The following CAB39L variants were observed in gnomAD, a reference collection of about 807,000 sequenced individuals.
CAB39L encodes the protein calcium-binding protein 39-like.
CAB39L carries 23 observed loss-of-function variants against 39.1 expected under a neutral mutation model. The ratio of observed to expected loss-of-function variants is 0.59; its 90% CI spans 0.42 to 0.83. The LOEUF is 0.83. Among genes scored for constraint, CAB39L ranks in the 40% least tolerant of loss-of-function variants. The pLI is 0.00. For synonymous variants in CAB39L, 126 were observed against 137.2 expected, an observed-to-expected ratio of 0.92 and a Z score of 0.57; for missense variants, 366 against 391.9, an observed-to-expected ratio of 0.93 and a Z score of 0.56.
rs116546671 is a variant in CAB39L at position 49,394,426 on chromosome 13, T to C, written c.-31-11485A>G. ...TGGTATTTTGCAACAGGCTCTCATT[T>C]CTTACTGGTGCAGATATAAATTAGA... On this transcript the variant is annotated intron_variant, in intron 3 of 10. Coordinates refer to ENST00000409308, the MANE Select transcript of CAB39L (RefSeq NM_001079670.3). Among the ~76,000 whole-genome samples, 398 of 152,220 alleles carry C rather than the reference T, an allele frequency of 2.6e-3. 2 individuals are homozygous for C. The highest frequency in any genetic ancestry group is 9.3e-3 in the African/African-American group (386 of 41,584).
intron 10 of CAB39L, among the ~76,000 whole-genome samples, chr13:49,317,837 G>A (rs186421351): frequency 2.4e-4 from 36 of 151,960 alleles, no homozygotes; most frequent in Non-Finnish European, 4.1e-4. Flanking sequence ...CACACAGAAC[G>A]GGAGAAAATA....
chr13:49,354,624 T>C (rs960745816), intron 6 of CAB39L, among the ~76,000 whole-genome samples: 1 of 152,200 alleles, frequency 6.6e-6, no homozygotes, highest in Non-Finnish European at 1.5e-5. Context: ...CCAGTAAAGG[T>C]TAATCTGATG....
At chr13:49,339,621 T>C in intron 9 of CAB39L, 56 bp downstream of exon 9, 3 of 1,459,508 alleles carry the variant, frequency 2.1e-6, no homozygotes, top group Non-Finnish European at 2.7e-6. Context: ...AGACCCGTCA[T>C]TTGCTAATGA....
chr13:49,423,579 TA>T (rs1393735412), intron 3 of CAB39L, among the ~76,000 whole-genome samples: 1 of 152,046 alleles, frequency 6.6e-6, no homozygotes, highest in Non-Finnish European at 1.5e-5. Context: ...AATCATTTTT[TA>T]AAAAAAGAGT....
chr13:49,332,128 G>A lies in CAB39L; in HGVS notation c.691-38C>T, dbSNP rs536614293. The A allele has an allele frequency of 9.8e-5, 156 of 1,599,948 alleles. 2 individuals are homozygous for A. In the South Asian group the frequency reaches 1.7e-3, roughly 17 times the overall value. On this transcript the variant is annotated intron_variant, in intron 9 of 10. Coordinates refer to ENST00000409308, the MANE Select transcript of CAB39L (RefSeq NM_001079670.3). ...ACAAAACCAAAGCTGTAATCTCAGAGCCACCTGATTCAAAATATAGCTCAC... is the reference window on the plus strand; with the variant it reads ...ACAAAACCAAAGCTGTAATCTCAGAACCACCTGATTCAAAATATAGCTCAC...
At chr13:49,347,718 T>C (rs190447876) in intron 7 of CAB39L, among the ~76,000 whole-genome samples, 8 of 152,262 alleles carry the variant, frequency 5.3e-5, no homozygotes, top group Admixed American at 2.0e-4. Context: ...GGATCATCTC[T>C]AGCCGCTGTA....
At chr13:49,322,959 C>G (rs1954394206) in intron 10 of CAB39L, among the ~76,000 whole-genome samples, 1 of 152,198 alleles carries the variant, frequency 6.6e-6, no homozygotes, top group Non-Finnish European at 1.5e-5. Context: ...GTGCTCTGCC[C>G]TCAAGTACCA....
At chr13:49,324,435 T>C (rs933825059) in intron 10 of CAB39L, among the ~76,000 whole-genome samples, 7 of 152,218 alleles carry the variant, frequency 4.6e-5, no homozygotes, top group African/African-American at 1.7e-4. Context: ...AAAACCCTTC[T>C]AGTTGTTAGG....
chr13:49,360,674 A>C (rs1352394125), intron 5 of CAB39L, among the ~76,000 whole-genome samples: 1 of 152,056 alleles, frequency 6.6e-6, no homozygotes, highest in Admixed American at 6.5e-5. Flanking sequence ...TATAATCCCT[A>C]TGTGTGGAGG....
At chr13:49,330,780 A>T (rs571134485) in intron 10 of CAB39L, among the ~76,000 whole-genome samples, 1 of 151,744 alleles carries the variant, frequency 6.6e-6, no homozygotes, top group Non-Finnish European at 1.5e-5. Flanking sequence ...GGTATCTATC[A>T]GAAGATAAGA....
rs2138312680 is a variant in CAB39L, at chr13:49,310,797, AG to A, written c.*16del. ...GACAAATGAGACGACTGACTGTGACAGGGGCCGGGGAGCTCTTCAAGGGGCC... is the reference window on the plus strand; with the variant it reads ...GACAAATGAGACGACTGACTGTGACAGGGCCGGGGAGCTCTTCAAGGGGCC... On this transcript the variant is annotated 3_prime_UTR_variant, in exon 11 of 11. Transcript: ENST00000409308. 6.2e-7 allele frequency: 1 copy of A among 1,610,486 alleles called. No individual in the cohort carries two copies. Among genetic ancestry groups the A allele is most frequent in the South Asian group, 1.1e-5 (1 of 90,852 alleles).
chr13:49,426,159 G>C (rs1043154395), intron 3 of CAB39L, among the ~76,000 whole-genome samples: 10 of 152,146 alleles, frequency 6.6e-5, no homozygotes, highest in African/African-American at 2.4e-4. Flanking sequence ...AATGGCTGCA[G>C]GATAAGGACC....
At chr13:49,314,146 G>A (rs1347069389) in intron 10 of CAB39L, among the ~76,000 whole-genome samples, 1 of 152,146 alleles carries the variant, frequency 6.6e-6, no homozygotes, top group Non-Finnish European at 1.5e-5. Context: ...CAGGCTCTGA[G>A]GTGGGCGGGA....
At chr13:49,361,353 C>T (rs531702308) in intron 5 of CAB39L, among the ~76,000 whole-genome samples, 1 of 151,640 alleles carries the variant, frequency 6.6e-6, no homozygotes, top group East Asian at 1.9e-4. Context: ...TGGTGTGCAC[C>T]TGTAGTCCCA....
chr13:49,332,406 G>C (rs373695081), intron 9 of CAB39L, among the ~76,000 whole-genome samples: 9 of 152,266 alleles, frequency 5.9e-5, no homozygotes, highest in African/African-American at 2.2e-4. Context: ...TCGCACTAAT[G>C]TATTGCTCCA....
chr13:49,436,625 T>G (rs1228811429), intron 1 of CAB39L, among the ~76,000 whole-genome samples: 2 of 140,828 alleles, frequency 1.4e-5, no homozygotes, highest in Non-Finnish European at 1.5e-5. Flanking sequence ...CTCAAACTCC[T>G]GGGCTCAAGC....
At chr13:49,402,982 G>A (rs1956804859) in intron 3 of CAB39L, among the ~76,000 whole-genome samples, 1 of 152,106 alleles carries the variant, frequency 6.6e-6, no homozygotes, top group Non-Finnish European at 1.5e-5. Flanking sequence ...TCCGAGAGTT[G>A]TAGTATAATT....
intron 7 of CAB39L, among the ~76,000 whole-genome samples, chr13:49,347,446 T>C (rs1235073949): frequency 1.3e-5 from 2 of 152,198 alleles, no homozygotes; most frequent in Non-Finnish European, 2.9e-5. Context: ...TTGGCGTTTG[T>C]TCTATGTTTG....
At chr13:49,378,068 G>A (rs1956132924) in intron 4 of CAB39L, among the ~76,000 whole-genome samples, 1 of 76,230 alleles carries the variant, frequency 1.3e-5, no homozygotes. Context: ...GGTGAGGAGC[G>A]TCTCTGCCCG....
Sources: gnomAD v4.1 joint callset for allele counts (sites outside exome capture counted in the v4.1 genomes callset) on GRCh38, gnomAD v4.1.1 for gene constraint, MANE v1.5 for transcripts, NCBI Gene and HGNC (gene_info 2026-07-23, HGNC 2026-07-21) for gene names.